The following RYR2 variants were observed in gnomAD, a reference collection of about 807,000 sequenced individuals.
RYR2 encodes the protein cardiac muscle ryanodine receptor-calcium release channel.
Under a neutral mutation model 601.1 loss-of-function variants are expected in RYR2, and 227 were observed. That is an observed-to-expected ratio of 0.38 (90% CI 0.34 to 0.42). The LOEUF is 0.42. RYR2 is among the 10% of genes least tolerant of loss of function. The pLI, the probability that RYR2 is intolerant of heterozygous loss-of-function variation, is 1.00. For synonymous variants in RYR2, 2,223 were observed against 2,175.1 expected (o/e 1.02, Z -0.61); for missense variants, 4,646 against 6,156.5 (o/e 0.75, Z 8.21).
rs1021472693 is a variant in RYR2 at position 237,356,063 on chromosome 1, G to A, written c.294+78G>A. On this transcript the variant is annotated intron_variant, in intron 4 of 104. Coordinates refer to ENST00000366574, the MANE Select transcript of RYR2 (RefSeq NM_001035.3). ...GCTCTCGCCTCTAATCTTTCATTTT[G>A]CTTCCTAGTGTGGCTTGTACTATTA... is the stretch of plus-strand genomic sequence containing the variant. The A allele has an allele frequency of 5.2e-6, 7 of 1,334,218 alleles. No homozygotes were observed. The African/African-American group carries it at 1.0e-4, about 19-fold the overall frequency. 82.6% of individuals were successfully genotyped at this position (1,334,218 alleles called of 1,614,324 possible).
rs115323039 is a variant in RYR2 at position 237,175,527 on chromosome 1, T to C, written c.49-94970T>C. 6.1e-3 allele frequency among the ~76,000 whole-genome samples: 925 copies of C among 152,336 alleles called. 9 individuals carry two copies. The highest frequency in any genetic ancestry group is 0.033 in the South Asian group (159 of 4,830). On this transcript the variant is annotated intron_variant, in intron 1 of 104. Transcript: ENST00000366574. Reference sequence around the variant, plus strand: ...CTATATGCTCATACTTGAATGTGTATATGTGCACCAATAACATACCTGAAA... The same window carrying C: ...CTATATGCTCATACTTGAATGTGTACATGTGCACCAATAACATACCTGAAA...
At position 237,654,297 on chromosome 1, in the gene RYR2, A is replaced by G. The variant is rs952783002; in HGVS notation, c.7848A>G (p.Arg2616=). Residue 2616 remains arginine (R), a synonymous_variant, in exon 52 of 105, where the codon AGA becomes AGG. Coordinates refer to ENST00000366574, the MANE Select transcript of RYR2 (RefSeq NM_001035.3). ...PLKLLTNHYE[R]CWKYYCLPGG... ...AGCTGCTGACAAATCATTATGAAAG[A>G]TGCTGGAAATATTACTGCCTGCCTG... 1 of 1,613,956 alleles carries G rather than the reference A, an allele frequency of 6.2e-7. No homozygotes were observed. Among genetic ancestry groups the G allele is most frequent in the African/African-American group, 1.3e-5 (1 of 75,062 alleles).
At chr1:237,330,768 A>T (rs1380808766) in intron 2 of RYR2, 110 bp from the exon 3 acceptor site, 3 of 777,244 alleles carry the variant, frequency 3.9e-6, no homozygotes, top group African/African-American at 3.4e-5. Flanking sequence ...TTGCAGTAGA[A>T]AGTTGACAAA....
chr1:237,485,847 G>C (rs1169502269), intron 17 of RYR2, among the ~76,000 whole-genome samples: 1 of 152,226 alleles, frequency 6.6e-6, no homozygotes, highest in Non-Finnish European at 1.5e-5. Context: ...GCTAAGGGGA[G>C]TGGACTTTGA....
intron 87 of RYR2, among the ~76,000 whole-genome samples, chr1:237,777,861 C>T (rs955038087): frequency 1.1e-4 from 17 of 152,286 alleles, no homozygotes; most frequent in Non-Finnish European, 1.9e-4. Flanking sequence ...TTTTATAAGG[C>T]GTTCCTGGAA....
At chr1:237,553,222 G>T (rs77300928) in intron 27 of RYR2, among the ~76,000 whole-genome samples, 1 of 151,912 alleles carries the variant, frequency 6.6e-6, no homozygotes. Context: ...GTAGGTGTGT[G>T]ATCTAAAGTG....
chr1:237,368,849 A>G (rs1048841927), intron 5 of RYR2, among the ~76,000 whole-genome samples: 2 of 148,846 alleles, frequency 1.3e-5, no homozygotes, highest in Non-Finnish European at 3.0e-5. Flanking sequence ...ATTAAGATAG[A>G]GTCCTGCTCT....
Position 237,714,990 on chromosome 1 carries a change from TCAAAAAAAAAAAAA to T in RYR2, c.10324-2207_10324-2194del, listed in dbSNP as rs1282882062. Among the ~76,000 whole-genome samples, 89 of 89,380 alleles carry T rather than the reference TCAAAAAAAAAAAAA, an allele frequency of 1.0e-3. No individual in the cohort carries two copies. In the East Asian group the frequency reaches 0.028, roughly 28 times the overall value. The allele number at this position is 89,380 out of a possible 152,430, so 58.6% of individuals were successfully genotyped here. A position where few individuals can be genotyped will look rare whatever the true frequency, so the allele number is the denominator to read the frequency against. On this transcript the variant is annotated intron_variant, in intron 71 of 104. Transcript: ENST00000366574. ...CCTGGTGACAGAGCGAGACTCCATCTCAAAAAAAAAAAAAAAAAAAAAAAAAAAAAAAAGGGCTC... is the reference window on the plus strand; with the variant it reads ...CCTGGTGACAGAGCGAGACTCCATCTAAAAAAAAAAAAAAAAAAAGGGCTC...
At chr1:237,769,587 C>A (rs941200972) in intron 84 of RYR2, among the ~76,000 whole-genome samples, 1 of 152,098 alleles carries the variant, frequency 6.6e-6, no homozygotes, top group African/African-American at 2.4e-5. Flanking sequence ...TTATATGAAG[C>A]CTCTCACTTT....
intron 88 of RYR2, among the ~76,000 whole-genome samples, chr1:237,779,178 TAAAC>T (rs1002835130): frequency 1.6e-4 from 24 of 152,178 alleles, no homozygotes; most frequent in African/African-American, 5.3e-4. Context: ...TACAGGGTCT[TAAAC>T]AAGCAGATGT....
chr1:237,099,303 T>C (rs1667823532), intron 1 of RYR2, among the ~76,000 whole-genome samples: 1 of 152,072 alleles, frequency 6.6e-6, no homozygotes. Context: ...GGTGGCGTGA[T>C]CATGGCTCAC....
chr1:237,251,050 GTGTGTGTGTGTGTA>G (rs1687410245), intron 1 of RYR2, among the ~76,000 whole-genome samples: 1 of 137,752 alleles, frequency 7.3e-6, no homozygotes, highest in South Asian at 2.3e-4. Flanking sequence ...GTGTGTGTGT[GTGTGTGTGTGTGTA>G]TGCATATAGA....
At chr1:237,123,790 C>T (rs980384586) in intron 1 of RYR2, among the ~76,000 whole-genome samples, 8 of 151,402 alleles carry the variant, frequency 5.3e-5, no homozygotes, top group Non-Finnish European at 1.0e-4. Context: ...GCCTCAGCCT[C>T]CCGAGTAGCT....
chr1:237,087,194 C>T (rs1169861956), intron 1 of RYR2, among the ~76,000 whole-genome samples: 1 of 152,120 alleles, frequency 6.6e-6, no homozygotes, highest in Admixed American at 6.5e-5. Flanking sequence ...CTGGTGCTTC[C>T]AGATGGCACC....
Position 237,727,095 on chromosome 1 carries a change from T to C in RYR2, c.10734T>C (p.His3578=). The C allele has an allele frequency of 6.5e-7, 1 of 1,538,914 alleles. No homozygotes were observed. The highest frequency in any genetic ancestry group is 9.0e-7 in the Non-Finnish European group (1 of 1,111,640). The change falls in exon 76 of 105, where the codon CAT becomes CAC. Residue 3578 remains histidine (H), a synonymous_variant. Transcript: ENST00000366574. The part of the protein sequence containing the change: ...VGRRHYCLVE[H]PQRSKKAVWH... ...GTGTCATTCTACCTCAGGTGGAACA[T>C]CCTCAGAGATCTAAAAAGGCTGTAT...
intron 1 of RYR2, among the ~76,000 whole-genome samples, chr1:237,248,458 C>T (rs2149263813): frequency 6.6e-6 from 1 of 152,210 alleles, no homozygotes; most frequent in Admixed American, 6.5e-5. Flanking sequence ...TATTTCCCCT[C>T]ATCAGTCATC....
chr1:237,114,911 T>C (rs775079531), intron 1 of RYR2, among the ~76,000 whole-genome samples: 1 of 152,226 alleles, frequency 6.6e-6, no homozygotes, highest in South Asian at 2.1e-4. Flanking sequence ...TTTAGCAGAA[T>C]GTGATGACTG....
intron 23 of RYR2, among the ~76,000 whole-genome samples, chr1:237,510,995 A>G (rs934629852): frequency 2.6e-5 from 4 of 152,174 alleles, no homozygotes; most frequent in African/African-American, 9.6e-5. Context: ...AGCTAGAACC[A>G]CCTCAAAGTG....
chr1:237,666,295 C>T lies in RYR2; in HGVS notation c.8437-217C>T, dbSNP rs1002694521. On this transcript the variant is annotated intron_variant, in intron 56 of 104. Coordinates refer to ENST00000366574, the MANE Select transcript of RYR2 (RefSeq NM_001035.3). ...GCACAATACATCAAATTCCGATAGG[C>T]AATTTTCAGAATTATCAATCATAAA... Among the ~76,000 whole-genome samples, 4 of 152,124 alleles carry T rather than the reference C, an allele frequency of 2.6e-5. No homozygotes were observed. In the East Asian group the frequency reaches 7.7e-4, roughly 29 times the overall value.
Sources: allele counts gnomAD v4.1 joint callset (sites outside exome capture counted in the v4.1 genomes callset), GRCh38; gene constraint gnomAD v4.1.1; transcripts MANE v1.5; gene names NCBI Gene and HGNC (gene_info 2026-07-23, HGNC 2026-07-21).